Variants in CACNB4 observed in about 807,000 individuals in gnomAD.
The protein encoded by CACNB4 is calcium voltage-gated channel auxiliary subunit beta 4, also known as voltage-dependent L-type calcium channel subunit beta-4.
In CACNB4, 32 loss-of-function variants were observed where a neutral mutation model predicts 71.2. That is an observed-to-expected ratio of 0.45 (90% CI 0.34 to 0.60). CACNB4 has a LOEUF of 0.60. Ranked by LOEUF, CACNB4 falls within the 20% of genes least tolerant of loss-of-function variation. The probability of loss-of-function intolerance (pLI) is 0.01; values close to 1 mark genes in which losing one functional copy is unlikely to be tolerated. For synonymous variants in CACNB4, 231 were observed against 236.9 expected (o/e 0.97, Z 0.23); for missense variants, 464 against 647.9 (o/e 0.72, Z 3.08).
chr2:151,941,524 C>T (rs949359338), intron 2 of CACNB4, among the ~76,000 whole-genome samples: 4 of 151,774 alleles, frequency 2.6e-5, no homozygotes, highest in African/African-American at 7.3e-5. Context: ...TCAGGTGATC[C>T]GCCTACCTCA....
intron 2 of CACNB4, among the ~76,000 whole-genome samples, chr2:151,974,310 G>C (rs1186681173): frequency 6.6e-6 from 1 of 151,996 alleles, no homozygotes; most frequent in African/African-American, 2.4e-5. Context: ...TCCAACATCT[G>C]TACTTAACAG....
chr2:152,002,742 T>C (rs1418668854), intron 2 of CACNB4, among the ~76,000 whole-genome samples: 1 of 152,230 alleles, frequency 6.6e-6, no homozygotes, highest in East Asian at 1.9e-4. Context: ...GCTATTATCA[T>C]TCACACCAAA....
intron 2 of CACNB4, among the ~76,000 whole-genome samples, chr2:152,055,813 C>T (rs1377693016): frequency 1.3e-5 from 2 of 152,116 alleles, no homozygotes; most frequent in Non-Finnish European, 2.9e-5. Context: ...AATTTTCAAA[C>T]TTTGACTACT....
At chr2:151,855,998 A>T (rs957905525) in intron 10 of CACNB4, among the ~76,000 whole-genome samples, 14 of 139,718 alleles carry the variant, frequency 1.0e-4, no homozygotes, top group Non-Finnish European at 1.1e-4. Flanking sequence ...CTTCAGTATT[A>T]AAAAAAAAAA....
chr2:151,929,195 T>C (rs1436832255), intron 2 of CACNB4, among the ~76,000 whole-genome samples: 2 of 151,454 alleles, frequency 1.3e-5, no homozygotes, highest in Admixed American at 1.3e-4. Flanking sequence ...GACACTATCC[T>C]CTAACTTCCA....
intron 2 of CACNB4, among the ~76,000 whole-genome samples, chr2:151,993,806 G>T (rs560066862): frequency 6.6e-6 from 1 of 151,084 alleles, no homozygotes; most frequent in Non-Finnish European, 1.5e-5. Flanking sequence ...CTTGTGATCC[G>T]CCCACCTCGG....
intron 2 of CACNB4, among the ~76,000 whole-genome samples, chr2:151,923,511 G>T (rs1246344465): frequency 6.6e-6 from 1 of 152,220 alleles, no homozygotes; most frequent in African/African-American, 2.4e-5. Context: ...ATGACTTGCT[G>T]TTATAGAAAC....
intron 2 of CACNB4, among the ~76,000 whole-genome samples, chr2:151,949,762 A>G (rs927165452): frequency 1.1e-4 from 16 of 152,180 alleles, no homozygotes; most frequent in East Asian, 1.9e-4. Flanking sequence ...AAGAGACAGT[A>G]TTCTGGCCAG....
intron 2 of CACNB4, among the ~76,000 whole-genome samples, chr2:152,095,201 T>C (rs753451984): frequency 2.7e-4 from 41 of 152,308 alleles, no homozygotes; most frequent in Non-Finnish European, 5.9e-4. Context: ...AGGTCAAAGA[T>C]TCCTGAGGGG....
intron 2 of CACNB4, among the ~76,000 whole-genome samples, chr2:152,027,151 C>A (rs1684025567): frequency 6.6e-6 from 1 of 152,212 alleles, no homozygotes; most frequent in South Asian, 2.1e-4. Flanking sequence ...GGTCCGCCCA[C>A]CTCAGCCTCC....
At chr2:151,877,151 G>A (rs147625363) in intron 4 of CACNB4, among the ~76,000 whole-genome samples, 3,029 of 149,222 alleles carry the variant, frequency 0.02, 40 homozygotes, top group Non-Finnish European at 0.031. Flanking sequence ...TATATCTGAG[G>A]TAGATGCATA....
At chr2:152,068,621 C>T (rs1339330770) in intron 2 of CACNB4, among the ~76,000 whole-genome samples, 2 of 152,142 alleles carry the variant, frequency 1.3e-5, no homozygotes, top group Non-Finnish European at 2.9e-5. Context: ...GAAACCAGTC[C>T]TAACACCCAG....
At chr2:151,996,138 A>G (rs758704155) in intron 2 of CACNB4, among the ~76,000 whole-genome samples, 3 of 152,234 alleles carry the variant, frequency 2.0e-5, no homozygotes, top group Non-Finnish European at 2.9e-5. Context: ...CGTAATAGAT[A>G]CTAGTATGAA....
At chr2:151,911,104 C>T (rs957038109) in intron 2 of CACNB4, among the ~76,000 whole-genome samples, 4 of 152,056 alleles carry the variant, frequency 2.6e-5, no homozygotes, top group African/African-American at 9.7e-5. Context: ...GCTCTGCTTG[C>T]CTGCTGTTGG....
intron 2 of CACNB4, among the ~76,000 whole-genome samples, chr2:151,901,598 CT>C (rs1396901694): frequency 1.3e-5 from 2 of 152,048 alleles, no homozygotes; most frequent in Non-Finnish European, 2.9e-5. Flanking sequence ...AAAAAACCTC[CT>C]TACTAGAAAA....
At chr2:152,036,110 A>G (rs1684576848) in intron 2 of CACNB4, among the ~76,000 whole-genome samples, 1 of 152,202 alleles carries the variant, frequency 6.6e-6, no homozygotes, top group African/African-American at 2.4e-5. Flanking sequence ...CCAAAGCAGT[A>G]AAACTCTTAG....
At chr2:152,000,571 C>T (rs1373051267) in intron 2 of CACNB4, among the ~76,000 whole-genome samples, 6 of 152,170 alleles carry the variant, frequency 3.9e-5, no homozygotes, top group African/African-American at 7.2e-5. Context: ...AAACCCAAGA[C>T]GTCTGTAACT....
chr2:152,035,110 C>A (rs894595921), intron 2 of CACNB4, among the ~76,000 whole-genome samples: 8 of 152,314 alleles, frequency 5.3e-5, no homozygotes, highest in Admixed American at 2.0e-4. Flanking sequence ...AGGAAAGTGA[C>A]GTTCAGTGAG....
At chr2:151,935,890 C>T (rs1349145293) in intron 2 of CACNB4, among the ~76,000 whole-genome samples, 3 of 152,200 alleles carry the variant, frequency 2.0e-5, no homozygotes, top group Non-Finnish European at 4.4e-5. Flanking sequence ...CAAAGGAGAT[C>T]TGGATTGCTT....
Sources: gnomAD v4.1 joint callset for allele counts (sites outside exome capture counted in the v4.1 genomes callset) on GRCh38, gnomAD v4.1.1 for gene constraint, MANE v1.5 for transcripts, NCBI Gene and HGNC (gene_info 2026-07-23, HGNC 2026-07-21) for gene names.